The following ZBTB44 variants were observed in gnomAD, a reference collection of about 807,000 sequenced individuals.
ZBTB44 encodes zinc finger and BTB domain-containing protein 44.
Under a neutral mutation model 54.0 loss-of-function variants are expected in ZBTB44, and 15 were observed. The ratio of observed to expected loss-of-function variants is 0.28; its 90% confidence interval spans 0.19 to 0.43. ZBTB44 has a LOEUF of 0.43. Ranked by LOEUF, ZBTB44 falls within the 20% of genes least tolerant of loss-of-function variation. ZBTB44 has a pLI of 1.00. For synonymous variants in ZBTB44, 230 were observed against 250.1 expected (o/e 0.92, Z 0.76); for missense variants, 487 against 707.1 (o/e 0.69, Z 3.53).
chr11:130,313,966 A>ATTTTTT (rs1555059256), intron 1 of ZBTB44, among the ~76,000 whole-genome samples: 88 of 116,130 alleles, frequency 7.6e-4, no homozygotes, highest in Admixed American at 2.5e-3. Context: ...ATATATATAT[A>ATTTTTT]TTTTTTTAAA....
Position 130,261,189 on chromosome 11 carries a change from G to T in ZBTB44, c.685C>A (p.Pro229Thr). ...NQPVDSSLAF[P>T]WTFPFGIDRR... ...TCAATTCCAAAAGGAAAAGTCCAAG[G>T]AAAAGCTAAGGAAGAGTCAACTGGT... is the stretch of plus-strand genomic sequence containing the variant. The change falls in exon 2 of 8, where the codon CCT becomes ACT. Residue 229 changes from proline to threonine, a missense_variant. Around this residue, in one of 3 missense-constraint regions of ZBTB44, gnomAD observed 277 missense variants for 306.5 expected, o/e 0.90. Transcript: ENST00000357899. The surrounding 1 kb of genome is among the most constrained non-coding windows in gnomAD (Gnocchi z 4.8). 1 of 1,613,952 alleles carries T rather than the reference G, an allele frequency of 6.2e-7. No individual in the cohort carries two copies. Among genetic ancestry groups the T allele is most frequent in the Non-Finnish European group, 8.5e-7 (1 of 1,179,892 alleles).
chr11:130,255,572 GAC>G, intron 2 of ZBTB44, among the ~76,000 whole-genome samples: 1 of 152,174 alleles, frequency 6.6e-6, no homozygotes, highest in East Asian at 1.9e-4. Context: ...AACCGAAAGA[GAC>G]ACACGAAAAG....
rs1267704654 is a variant in ZBTB44, at chr11:130,228,389, AT to A, written c.*3374del. 2 of 152,228 alleles carry A rather than the reference AT, an allele frequency of 1.3e-5. No homozygotes were observed. The highest frequency in any genetic ancestry group is 4.8e-5 in the African/African-American group (2 of 41,464). The allele number at this position is 152,228 out of a possible 1,614,324, so 9.4% of individuals were successfully genotyped here. On this transcript the variant is annotated 3_prime_UTR_variant, in exon 8 of 8. Coordinates refer to ENST00000357899, the MANE Select transcript of ZBTB44 (RefSeq NM_001301098.2). ...ATGAAAAGCAGTGCAACTTTCAACAATTTAATGGACTACTCTCATTATGAGA... is the reference window on the plus strand; with the variant it reads ...ATGAAAAGCAGTGCAACTTTCAACAATTAATGGACTACTCTCATTATGAGA...
intron 1 of ZBTB44, among the ~76,000 whole-genome samples, chr11:130,307,656 T>A (rs1160424018): frequency 6.6e-6 from 1 of 152,156 alleles, no homozygotes; most frequent in East Asian, 1.9e-4. Context: ...CGTCCCATAT[T>A]ATAATACCAT....
At position 130,261,817 on chromosome 11, in the gene ZBTB44, T is replaced by C; in HGVS notation, c.57A>G (p.Gly19=). 1 of 1,613,898 alleles carries C rather than the reference T, an allele frequency of 6.2e-7. No individual in the cohort carries two copies. The highest frequency in any genetic ancestry group is 1.3e-5 in the African/African-American group (1 of 75,058). ...SSSSHSQEML[G]KLNMLRNDGH... Reference sequence around the variant, plus strand: ...CATCATTTCGCAGCATATTTAGCTTTCCAAGCATTTCCTGGCTGTGGGAAG... The same window carrying C: ...CATCATTTCGCAGCATATTTAGCTTCCCAAGCATTTCCTGGCTGTGGGAAG... Residue 19 remains glycine (G), a synonymous_variant, in exon 2 of 8, where the codon GGA becomes GGG. Coordinates refer to ENST00000357899, the MANE Select transcript of ZBTB44 (RefSeq NM_001301098.2). This position sits in a 1 kb window ranked among gnomAD's most constrained non-coding sequence, Gnocchi z 4.8.
At chr11:130,252,077 A>C (rs928761351) in intron 2 of ZBTB44, among the ~76,000 whole-genome samples, 1 of 152,202 alleles carries the variant, frequency 6.6e-6, no homozygotes, top group Non-Finnish European at 1.5e-5. Flanking sequence ...GAATGGAGGA[A>C]TATTTACCAA....
chr11:130,256,911 GAGAA>G (rs2136402810), intron 2 of ZBTB44, among the ~76,000 whole-genome samples: 1 of 152,194 alleles, frequency 6.6e-6, no homozygotes, highest in East Asian at 1.9e-4. Context: ...AATCAGGCAA[GAGAA>G]AGAAAGAGTA....
Position 130,230,424 on chromosome 11 carries a change from T to TG in ZBTB44, c.*1339_*1340insC, listed in dbSNP as rs1204075373. The TG allele has an allele frequency of 2.7e-5, 4 of 148,436 alleles. No homozygotes were observed. The East Asian group carries it at 5.8e-4, about 22-fold the overall frequency. 9.2% of individuals were successfully genotyped at this position (148,436 alleles called of 1,614,324 possible). ...TTAACAAGATGAAAGTTTTTTTTTT[T>TG]TTTTTTTTTTGCTAGTTATTAAGAA... is the stretch of plus-strand genomic sequence containing the variant. On this transcript the variant is annotated 3_prime_UTR_variant, in exon 8 of 8. Transcript: ENST00000357899.
chr11:130,279,457 G>A (rs1185760229), intron 1 of ZBTB44, among the ~76,000 whole-genome samples: 3 of 152,184 alleles, frequency 2.0e-5, no homozygotes, highest in Non-Finnish European at 2.9e-5. Flanking sequence ...CCAGGAGTTC[G>A]AGACCAGCCT....
chr11:130,262,955 G>A (rs112345939), intron 1 of ZBTB44, among the ~76,000 whole-genome samples: 5 of 152,308 alleles, frequency 3.3e-5, no homozygotes, highest in African/African-American at 1.2e-4. Context: ...CAGCTATTCG[G>A]GACGCTGATG....
rs187334787 is a variant in ZBTB44 at position 130,252,430 on chromosome 11, T to C, written c.1018+8426A>G. ...TCAGCTCTGGACCAAGCAGACCTAA[T>C]AGACAGCTATAGAACTCTCCACCAC... On this transcript the variant is annotated intron_variant, in intron 2 of 7. Coordinates refer to ENST00000357899, the MANE Select transcript of ZBTB44 (RefSeq NM_001301098.2). 4.9e-3 allele frequency among the ~76,000 whole-genome samples: 746 copies of C among 152,294 alleles called. 6 individuals are homozygous for C. Among genetic ancestry groups the C allele is most frequent in the African/African-American group, 0.017 (722 of 41,554 alleles).
intron 1 of ZBTB44, among the ~76,000 whole-genome samples, chr11:130,309,949 A>C (rs1321074428): frequency 6.6e-6 from 1 of 152,076 alleles, no homozygotes. Context: ...ACCTCTACCA[A>C]CTACCTGCCT....
intron 1 of ZBTB44, among the ~76,000 whole-genome samples, chr11:130,269,167 T>C (rs1939489307): frequency 6.6e-6 from 1 of 151,886 alleles, no homozygotes; most frequent in Admixed American, 6.6e-5. Flanking sequence ...TGTGTGCCTG[T>C]AATCCTAGCT....
intron 2 of ZBTB44, among the ~76,000 whole-genome samples, chr11:130,259,427 A>G (rs756606332): frequency 6.6e-6 from 1 of 152,212 alleles, no homozygotes; most frequent in Non-Finnish European, 1.5e-5. Context: ...CAGAAATACC[A>G]TTCGACCCAG....
rs898028657 is a variant in ZBTB44 at position 130,226,690 on chromosome 11, A to G, written c.*5074T>C. ...AACAGCAGGAAGTTTTATTCCATAA[A>G]GCATAAGATATTTTAATGAGAAAAC... On this transcript the variant is annotated 3_prime_UTR_variant, in exon 8 of 8. Transcript: ENST00000357899. 1 of 152,242 alleles carries G rather than the reference A, an allele frequency of 6.6e-6. No homozygotes were observed. Among genetic ancestry groups the G allele is most frequent in the Non-Finnish European group, 1.5e-5 (1 of 68,040 alleles). 9.4% of individuals were successfully genotyped at this position (152,242 alleles called of 1,614,324 possible).
rs371903043 is a variant in ZBTB44, at chr11:130,291,860, TATAAC to T, written c.-57+22510_-57+22514del. Among the ~76,000 whole-genome samples the T allele has an allele frequency of 1.1e-4, 16 of 152,356 alleles. No homozygotes were observed. In the East Asian group the frequency reaches 3.1e-3, roughly 29 times the overall value. ...CTGCATAGTGGACAATTTGATGAGTTATAACATATATATCACCACCACAATCAAGA... is the reference window on the plus strand; with the variant it reads ...CTGCATAGTGGACAATTTGATGAGTTATATATATCACCACCACAATCAAGA... On this transcript the variant is annotated intron_variant, in intron 1 of 7. Transcript: ENST00000357899.
chr11:130,276,383 G>A (rs889532849), intron 1 of ZBTB44, among the ~76,000 whole-genome samples: 2 of 151,280 alleles, frequency 1.3e-5, no homozygotes, highest in Non-Finnish European at 2.9e-5. Context: ...GGTCTAGTTG[G>A]TTTATAGCGT....
In ZBTB44 at chr11:130,307,360, G is replaced by A. The variant is rs540102859; in HGVS notation, c.-57+7015C>T. Among the ~76,000 whole-genome samples, 5 of 151,014 alleles carry A rather than the reference G, an allele frequency of 3.3e-5. No homozygotes were observed. The East Asian group carries it at 9.8e-4, about 30-fold the overall frequency. On this transcript the variant is annotated intron_variant, in intron 1 of 7. Transcript: ENST00000357899. ...GAATGGCGTGAACCCAGGGGATGAA[G>A]CTTGCAGTGAGCTGAGATCGTGCCA...
At chr11:130,256,278 G>T (rs1231138343) in intron 2 of ZBTB44, among the ~76,000 whole-genome samples, 1 of 152,192 alleles carries the variant, frequency 6.6e-6, no homozygotes, top group Non-Finnish European at 1.5e-5. Context: ...GGAACGCAAG[G>T]CTGGTTCAAC....
Sources: gnomAD v4.1 joint callset for allele counts (sites outside exome capture counted in the v4.1 genomes callset) on GRCh38, gnomAD v4.1.1 for gene constraint, gnomAD v4.1.1 regional missense constraint, Gnocchi (gnomAD v3.1) non-coding constraint, MANE v1.5 for transcripts, NCBI Gene and HGNC (gene_info 2026-07-23, HGNC 2026-07-21) for gene names.